Variants in MAPKAPK2 observed in about 807,000 individuals in gnomAD.
MAPKAPK2 encodes MAPK activated protein kinase 2.
A neutral mutation model predicts 48.8 loss-of-function variants in MAPKAPK2; 9 were observed. The ratio of observed to expected loss-of-function variants is 0.18; its 90% CI spans 0.11 to 0.32. The LOEUF (loss-of-function observed/expected upper bound fraction) is 0.32, where lower values mean the gene tolerates loss of function less well. Among genes scored for constraint, MAPKAPK2 ranks in the 10% least tolerant of loss-of-function variants. MAPKAPK2 has a pLI of 1.00. For synonymous variants in MAPKAPK2, 202 were observed against 190.6 expected (o/e 1.06, Z -0.49); for missense variants, 331 against 498.3 (o/e 0.66, Z 3.20).
At chr1:206,730,787 GGGT>G in intron 6 of MAPKAPK2, 24 bp downstream of exon 6, 2 of 1,511,810 alleles carry the variant, frequency 1.3e-6, no homozygotes, top group Non-Finnish European at 1.8e-6. Context: ...GGAGGGGGCT[GGGT>G]GGGGCAGGGA....
intron 1 of MAPKAPK2, among the ~76,000 whole-genome samples, chr1:206,725,512 T>C (rs1553431765): frequency 6.6e-6 from 1 of 152,136 alleles, no homozygotes; most frequent in East Asian, 1.9e-4. Context: ...CTTTTAGAGG[T>C]ATTATTTCAT....
chr1:206,729,386 C>T lies in MAPKAPK2; in HGVS notation c.485-10C>T, dbSNP rs781864071. On this transcript the variant is annotated splice_polypyrimidine_tract_variant and intron_variant, in intron 3 of 9. Transcript: ENST00000367103. ...TTTCTTTCCCACTCACTCTTCCCTC[C>T]CCTCTACAGAAGCATCCGAAATCAT... 1 of 1,608,900 alleles carries T rather than the reference C, an allele frequency of 6.2e-7. No individual in the cohort carries two copies. The highest frequency in any genetic ancestry group is 8.5e-7 in the Non-Finnish European group (1 of 1,175,314).
At position 206,724,011 on chromosome 1, in the gene MAPKAPK2, A is replaced by G. The variant is rs76183120; in HGVS notation, c.280-4699A>G. ...AACTGTGGGGCTGAGGTGAGTCACA[A>G]TGTTGGACCGGGGCTTAGTTTGGGC... is the stretch of plus-strand genomic sequence containing the variant. On this transcript the variant is annotated intron_variant, in intron 1 of 9. Transcript: ENST00000367103. 3.5e-3 allele frequency among the ~76,000 whole-genome samples: 528 copies of G among 152,340 alleles called. 6 individuals carry two copies. The highest frequency in any genetic ancestry group is 0.012 in the African/African-American group (499 of 41,584).
intron 1 of MAPKAPK2, among the ~76,000 whole-genome samples, chr1:206,718,087 A>T (rs1292120089): frequency 6.6e-6 from 1 of 152,212 alleles, no homozygotes; most frequent in Non-Finnish European, 1.5e-5. Flanking sequence ...TGTTTTTGAA[A>T]ATTTAAAAAA....
intron 1 of MAPKAPK2, among the ~76,000 whole-genome samples, chr1:206,715,461 C>A (rs1275462844): frequency 6.6e-6 from 1 of 152,180 alleles, no homozygotes; most frequent in Admixed American, 6.5e-5. Flanking sequence ...GTGGCTGCCT[C>A]CTCCTGGTTT....
intron 1 of MAPKAPK2, among the ~76,000 whole-genome samples, chr1:206,691,486 T>TATATATATAC (rs1377854852): frequency 2.4e-5 from 3 of 124,980 alleles, no homozygotes; most frequent in Non-Finnish European, 5.2e-5. Flanking sequence ...TTTTAAGATA[T>TATATATATAC]ATATATATAT....
At chr1:206,702,933 G>A (rs1272074379) in intron 1 of MAPKAPK2, among the ~76,000 whole-genome samples, 1 of 152,214 alleles carries the variant, frequency 6.6e-6, no homozygotes, top group Non-Finnish European at 1.5e-5. Flanking sequence ...ATTCCAGGCA[G>A]AACTGCCTCC....
At chr1:206,698,825 C>T (rs1672707226) in intron 1 of MAPKAPK2, among the ~76,000 whole-genome samples, 1 of 151,218 alleles carries the variant, frequency 6.6e-6, no homozygotes, top group African/African-American at 2.4e-5. Flanking sequence ...GACAAAAAAG[C>T]TATTTGGGGG....
intron 1 of MAPKAPK2, among the ~76,000 whole-genome samples, chr1:206,717,870 G>GA (rs35962418): frequency 0.14 from 20,998 of 149,244 alleles, 1,534 homozygotes; most frequent in Middle Eastern, 0.18. Flanking sequence ...AAAACAGAAA[G>GA]AAAAAAAAAT....
At chr1:206,728,188 T>C (rs1673769489) in intron 1 of MAPKAPK2, among the ~76,000 whole-genome samples, 1 of 152,186 alleles carries the variant, frequency 6.6e-6, no homozygotes, top group South Asian at 2.1e-4. Context: ...CCGGCTGACT[T>C]CCAAGGCCAT....
chr1:206,691,482 G>GATATATATATATATATATATAT (rs56752335), intron 1 of MAPKAPK2, among the ~76,000 whole-genome samples: 1,199 of 76,876 alleles, frequency 0.016, 49 homozygotes, highest in South Asian at 0.037. Context: ...TGTATTTTAA[G>GATATATATATATATATATATAT]ATATATATAT....
chr1:206,692,440 C>A (rs914449979), intron 1 of MAPKAPK2, among the ~76,000 whole-genome samples: 10 of 152,206 alleles, frequency 6.6e-5, no homozygotes, highest in Non-Finnish European at 1.3e-4. Context: ...TCTCTTTCCT[C>A]CTCTTCCTGC....
At chr1:206,689,829 C>T (rs1272740448) in intron 1 of MAPKAPK2, among the ~76,000 whole-genome samples, 5 of 152,194 alleles carry the variant, frequency 3.3e-5, no homozygotes, top group African/African-American at 4.8e-5. Context: ...TAATGGCTAT[C>T]GAATTGAACA....
intron 1 of MAPKAPK2, among the ~76,000 whole-genome samples, chr1:206,701,091 G>A (rs1672779460): frequency 6.6e-6 from 1 of 152,176 alleles, no homozygotes; most frequent in African/African-American, 2.4e-5. Flanking sequence ...CTGTGATCCA[G>A]TGCATCTCTT....
At chr1:206,729,625 C>T (rs548115529) in intron 4 of MAPKAPK2, 150 bp downstream of exon 4, 19 of 732,590 alleles carry the variant, frequency 2.6e-5, no homozygotes, top group African/African-American at 5.3e-5. Flanking sequence ...CTTGCCCTCT[C>T]TGCCCATGGG....
In MAPKAPK2 at chr1:206,733,646, G is replaced by C. The variant is rs1380294257; in HGVS notation, c.*928G>C. ...AGGTCCTCTGAGGCACTCATCTACT[G>C]AATGACCTCTCTACTTCCCCTTCTT... On this transcript the variant is annotated 3_prime_UTR_variant, in exon 10 of 10. Coordinates refer to ENST00000367103, the MANE Select transcript of MAPKAPK2 (RefSeq NM_032960.4). The C allele has an allele frequency of 6.6e-6, 1 of 152,016 alleles. No individual in the cohort carries two copies. Among genetic ancestry groups the C allele is most frequent in the Non-Finnish European group, 1.5e-5 (1 of 68,000 alleles). The allele number at this position is 152,016 out of a possible 1,614,324, so 9.4% of individuals were successfully genotyped here. A position where few individuals can be genotyped will look rare whatever the true frequency, so the allele number is the denominator to read the frequency against.
At chr1:206,703,144 C>T (rs1458832784) in intron 1 of MAPKAPK2, among the ~76,000 whole-genome samples, 4 of 152,194 alleles carry the variant, frequency 2.6e-5, no homozygotes, top group African/African-American at 9.7e-5. Context: ...CCTCAGTGGC[C>T]CAGAGCTCAT....
intron 6 of MAPKAPK2, 123 bp downstream of exon 6, chr1:206,730,886 C>G (rs1006689749): frequency 1.8e-5 from 20 of 1,097,832 alleles, no homozygotes; most frequent in Non-Finnish European, 2.0e-5. Context: ...CCTGCGTGCC[C>G]CTTCTCTCAG....
At chr1:206,700,395 A>AT (rs1470644568) in intron 1 of MAPKAPK2, among the ~76,000 whole-genome samples, 2 of 152,110 alleles carry the variant, frequency 1.3e-5, no homozygotes, top group African/African-American at 4.8e-5. Context: ...CCCACCTGGC[A>AT]TTTTTTGCTG....
Sources: gnomAD v4.1 joint callset for allele counts (sites outside exome capture counted in the v4.1 genomes callset) on GRCh38, gnomAD v4.1.1 for gene constraint, MANE v1.5 for transcripts, NCBI Gene and HGNC (gene_info 2026-07-23, HGNC 2026-07-21) for gene names.